Variants in CORIN observed in about 807,000 individuals in gnomAD.
The protein encoded by CORIN is atrial natriuretic peptide-converting enzyme.
In CORIN, 117 loss-of-function variants were observed where a neutral mutation model predicts 125.3. The observed-to-expected ratio is 0.93, with a 90% CI of 0.80 to 1.09. The LOEUF (loss-of-function observed/expected upper bound fraction) is 1.09. Ranked by LOEUF, CORIN falls within the 50% of genes least tolerant of loss-of-function variation. The pLI, the probability that CORIN is intolerant of heterozygous loss-of-function variation, is 0.00. For missense variants in CORIN, 1,253 were observed against 1,306.7 expected (o/e 0.96, Z 0.63); for synonymous variants, 450 against 466.4 (o/e 0.96, Z 0.45).
chr4:47,730,456 G>A (rs1439091768), intron 5 of CORIN, among the ~76,000 whole-genome samples: 3 of 135,548 alleles, frequency 2.2e-5, no homozygotes, highest in African/African-American at 8.2e-5. Context: ...CTGGGCGACA[G>A]AGCGAGACTC....
chr4:47,626,599 T>C (rs1722580323), intron 16 of CORIN, 78 bp from the exon 17 acceptor site: 4 of 898,380 alleles, frequency 4.5e-6, no homozygotes, highest in South Asian at 2.6e-5. Context: ...TTAGCACTCA[T>C]TCCCTTTCAA....
At chr4:47,612,285 T>G (rs1721901644) in intron 19 of CORIN, among the ~76,000 whole-genome samples, 1 of 152,202 alleles carries the variant, frequency 6.6e-6, no homozygotes, top group Non-Finnish European at 1.5e-5. Context: ...CTGCCCATCC[T>G]GAGGGCCATT....
In CORIN at chr4:47,794,010, T is replaced by C. The variant is rs75074727; in HGVS notation, c.209-7085A>G. ...ACATATAACCTCGGGCCTCAGTAGTTAAAGAAAAAAAATTGTCATGCTTGA... is the reference window on the plus strand; with the variant it reads ...ACATATAACCTCGGGCCTCAGTAGTCAAAGAAAAAAAATTGTCATGCTTGA... On this transcript the variant is annotated intron_variant, in intron 2 of 21. Transcript: ENST00000273857. Among the ~76,000 whole-genome samples, 1,136 of 152,086 alleles carry C rather than the reference T, an allele frequency of 7.5e-3. 12 individuals carry two copies. The highest frequency in any genetic ancestry group is 0.026 in the African/African-American group (1,073 of 41,510).
chr4:47,756,014 T>A (rs1269804991), intron 4 of CORIN, among the ~76,000 whole-genome samples: 3 of 152,156 alleles, frequency 2.0e-5, no homozygotes, highest in Non-Finnish European at 1.5e-5. Context: ...ATGTACAAAG[T>A]CAACAAGTTC....
intron 3 of CORIN, among the ~76,000 whole-genome samples, chr4:47,779,169 T>C (rs1048369353): frequency 3.3e-5 from 5 of 152,346 alleles, no homozygotes; most frequent in Admixed American, 6.5e-5. Context: ...ATCCCTATTA[T>C]AAAATAATGG....
chr4:47,729,913 G>A (rs776764608), intron 5 of CORIN, among the ~76,000 whole-genome samples: 2 of 152,150 alleles, frequency 1.3e-5, no homozygotes, highest in South Asian at 2.1e-4. Flanking sequence ...AAGTCTGGCC[G>A]CTGGGTGCTC....
At chr4:47,754,326 C>T (rs1278058952) in intron 4 of CORIN, among the ~76,000 whole-genome samples, 1 of 152,086 alleles carries the variant, frequency 6.6e-6, no homozygotes, top group African/African-American at 2.4e-5. Flanking sequence ...CAACCAGCTG[C>T]CTAAACAGCC....
intron 3 of CORIN, among the ~76,000 whole-genome samples, chr4:47,765,959 GAACT>G (rs1226434480): frequency 2.0e-5 from 3 of 152,016 alleles, no homozygotes; most frequent in Admixed American, 6.6e-5. Flanking sequence ...TCATTTTAAA[GAACT>G]AACAACTATA....
chr4:47,696,058 T>C (rs1725983636), intron 5 of CORIN, among the ~76,000 whole-genome samples: 1 of 152,224 alleles, frequency 6.6e-6, no homozygotes, highest in African/African-American at 2.4e-5. Context: ...TTCAACATTG[T>C]CTTTTTCTCT....
At chr4:47,695,865 G>A (rs2109747979) in intron 5 of CORIN, among the ~76,000 whole-genome samples, 1 of 152,242 alleles carries the variant, frequency 6.6e-6, no homozygotes, top group Non-Finnish European at 1.5e-5. Flanking sequence ...AGTATCATGA[G>A]GTCAACATTG....
At chr4:47,772,782 T>C (rs1365174188) in intron 3 of CORIN, among the ~76,000 whole-genome samples, 1 of 152,222 alleles carries the variant, frequency 6.6e-6, no homozygotes, top group African/African-American at 2.4e-5. Context: ...TTTGCTATTA[T>C]TATTATCTCA....
chr4:47,665,138 G>T lies in CORIN; in HGVS notation c.1483C>A (p.Pro495Thr). The change falls in exon 11 of 22, where the codon CCT becomes ACT. Residue 495 changes from proline to threonine, a missense_variant. Physicochemically the swap from Pro to Thr is conservative, Grantham distance 38. Coordinates refer to ENST00000273857, the MANE Select transcript of CORIN (RefSeq NM_006587.4). ...TAACAGTTGGTTTGAACAAGTGCAGGGAAAAGAGAAGACTCCCAGCTGATG... is the reference window on the plus strand; with the variant it reads ...TAACAGTTGGTTTGAACAAGTGCAGTGAAAAGAGAAGACTCCCAGCTGATG... Reference protein sequence around the residue: ...ASISWESSLFPALVQTNCYKY... With the variant: ...ASISWESSLFTALVQTNCYKY... 1 of 1,613,882 alleles carries T rather than the reference G, an allele frequency of 6.2e-7. No individual in the cohort carries two copies. The highest frequency in any genetic ancestry group is 2.2e-5 in the East Asian group (1 of 44,846).
At position 47,643,217 on chromosome 4, in the gene CORIN, G is replaced by A. The variant is rs141836000; in HGVS notation, c.1997C>T (p.Ala666Val). 1.3e-5 allele frequency: 21 copies of A among 1,613,458 alleles called. No homozygotes were observed. The highest frequency in any genetic ancestry group is 1.7e-4 in the Middle Eastern group (1 of 6,054). ...QDDELECANH[A>V]CVSRDLWCDG... ...ACACCACAGGTCACGTGACACACAC[G>A]CATGGTTTGCACATTCCAGCTCATC... Residue 666 changes from alanine to valine, a missense_variant, in exon 15 of 22, where the codon GCG becomes GTG. Transcript: ENST00000273857.
intron 5 of CORIN, among the ~76,000 whole-genome samples, chr4:47,726,051 T>C (rs1217622119): frequency 2.0e-5 from 3 of 152,122 alleles, no homozygotes; most frequent in Non-Finnish European, 4.4e-5. Flanking sequence ...GAGATGCTTC[T>C]ACACACCTAT....
At chr4:47,641,854 A>C in intron 16 of CORIN, 66 bp downstream of exon 16, 2 of 1,571,632 alleles carry the variant, frequency 1.3e-6, no homozygotes, top group Non-Finnish European at 1.7e-6. Context: ...CCTAAGGAAG[A>C]TATTACTGCC....
intron 3 of CORIN, among the ~76,000 whole-genome samples, chr4:47,777,147 C>T (rs1276173965): frequency 6.6e-6 from 1 of 152,084 alleles, no homozygotes; most frequent in Non-Finnish European, 1.5e-5. Flanking sequence ...TCTTTATAGT[C>T]CATAGAGCCA....
intron 10 of CORIN, among the ~76,000 whole-genome samples, chr4:47,673,164 C>T (rs1018965505): frequency 1.9e-4 from 29 of 150,714 alleles, no homozygotes; most frequent in African/African-American, 6.4e-4. Context: ...CATGGTGAAA[C>T]GCCATCTTTA....
At chr4:47,772,616 T>C (rs1045578960) in intron 3 of CORIN, among the ~76,000 whole-genome samples, 2 of 152,344 alleles carry the variant, frequency 1.3e-5, no homozygotes, top group South Asian at 4.1e-4. Context: ...TGGCTACTAT[T>C]TTATATTTCT....
At chr4:47,693,288 G>A (rs1488032176) in intron 5 of CORIN, among the ~76,000 whole-genome samples, 1 of 152,178 alleles carries the variant, frequency 6.6e-6, no homozygotes, top group African/African-American at 2.4e-5. Context: ...AAGAGTGATT[G>A]CTTGTCTGAG....
Sources: gnomAD v4.1 joint callset for allele counts (sites outside exome capture counted in the v4.1 genomes callset) on GRCh38, gnomAD v4.1.1 for gene constraint, MANE v1.5 for transcripts, NCBI Gene and HGNC (gene_info 2026-07-23, HGNC 2026-07-21) for gene names.